Variants in RPL27 observed in about 807,000 individuals in gnomAD.
RPL27 encodes the protein large ribosomal subunit protein eL27.
For synonymous variants in RPL27, 77 were observed against 61.0 expected (o/e 1.26, Z -1.22); for missense variants, 131 against 174.3 (o/e 0.75, Z 1.40).
intron 1 of RPL27, 80 bp downstream of exon 1, chr17:42,998,551 GC>G (rs1445285231): frequency 2.1e-6 from 1 of 472,248 alleles, no homozygotes; most frequent in Non-Finnish European, 3.8e-6. Context: ...GGCGCCGGGT[GC>G]ATTCCTTCCC....
rs758401061 is a variant in RPL27, at chr17:42,998,852, T to G, written c.81+21T>G. ...TGAAGGTATCAGCCTCGCGGGACTC[T>G]GCGTCCTTGCATGCCGGGACCAGGC... On this transcript the variant is annotated intron_variant, in intron 2 of 4. Coordinates refer to ENST00000253788, the MANE Select transcript of RPL27 (RefSeq NM_000988.5). 15 of 1,605,260 alleles carry G rather than the reference T, an allele frequency of 9.3e-6. No homozygotes were observed. The Admixed American group carries it at 2.0e-4, about 21-fold the overall frequency.
At chr17:43,001,916 C>T (rs555276477) in intron 3 of RPL27, among the ~76,000 whole-genome samples, 1 of 151,014 alleles carries the variant, frequency 6.6e-6, no homozygotes, top group South Asian at 2.1e-4. Context: ...ACAGTGAAAC[C>T]CCGTCTCTAC....
rs560698130 is a variant in RPL27 at position 42,998,459 on chromosome 17, G to T, written c.-15G>T. 1.3e-5 allele frequency: 4 copies of T among 297,124 alleles called. No homozygotes were observed. Among genetic ancestry groups the T allele is most frequent in the South Asian group, 1.1e-4 (3 of 28,490 alleles). The allele number at this position is 297,124 out of a possible 1,614,324, so 18.4% of individuals were successfully genotyped here. On this transcript the variant is annotated 5_prime_UTR_variant, in exon 1 of 5. Transcript: ENST00000253788. Reference sequence around the variant, plus strand: ...CTTTCCTTTTTGCTGGTAGGGCCGGGTGGTTGCTGCCGGTAAGTAGAAGCT... The same window carrying T: ...CTTTCCTTTTTGCTGGTAGGGCCGGTTGGTTGCTGCCGGTAAGTAGAAGCT...
At chr17:43,000,195 A>G in intron 3 of RPL27, 93 bp downstream of exon 3, 2 of 961,608 alleles carry the variant, frequency 2.1e-6, no homozygotes, top group South Asian at 3.0e-5. Flanking sequence ...CCAGGAAGGG[A>G]TATCATTTCC....
Position 43,002,855 on chromosome 17 carries a change from C to T in RPL27, c.363-17C>T. The T allele has an allele frequency of 6.2e-7, 1 of 1,613,180 alleles. No individual in the cohort carries two copies. The highest frequency in any genetic ancestry group is 1.1e-5 in the South Asian group (1 of 91,052). On this transcript the variant is annotated splice_polypyrimidine_tract_variant and intron_variant, in intron 4 of 4. Coordinates refer to ENST00000253788, the MANE Select transcript of RPL27 (RefSeq NM_000988.5). The stretch of plus-strand genomic sequence containing the variant: ...CCATTCCTTTCCTCATTGGTGTCCT[C>T]TTTTTTTCCCTTCTAGATACAAGAC...
Position 43,002,675 on chromosome 17 carries a change from A to G in RPL27, c.254A>G (p.Tyr85Cys), listed in dbSNP as rs1423049747. The G allele has an allele frequency of 1.3e-6, 2 of 1,595,708 alleles. No individual in the cohort carries two copies. Among genetic ancestry groups the G allele is most frequent in the Non-Finnish European group, 1.7e-6 (2 of 1,163,520 alleles). The stretch of plus-strand genomic sequence containing the variant: ...TGCCTCTCCACCTTTGTCCCCAGGT[A>G]CTCTGTGGATATCCCCTTGGACAAA... ...YNYNHLMPTR[Y>C]SVDIPLDKTV... Residue 85 changes from tyrosine (Y) to cysteine (C), a missense_variant and splice_region_variant, in exon 4 of 5, where the codon TAC (tyrosine) becomes TGC (cysteine). Tyr to Cys is a radical substitution (Grantham distance 194, BLOSUM62 -2). Coordinates refer to ENST00000253788, the MANE Select transcript of RPL27 (RefSeq NM_000988.5).
chr17:42,998,372 A>C (rs1169616933), upstream of RPL27: 1 of 181,354 alleles, frequency 5.5e-6, no homozygotes, highest in Admixed American at 6.2e-5. Flanking sequence ...GCAAAGCCTG[A>C]AGGGCGGGAC....
intron 2 of RPL27, 34 bp downstream of exon 2, chr17:42,998,865 G>T: frequency 6.3e-7 from 1 of 1,579,620 alleles, no homozygotes; most frequent in East Asian, 2.2e-5. Context: ...GTCCTTGCAT[G>T]CCGGGACCAG....
At chr17:43,001,391 C>T (rs958640128) in intron 3 of RPL27, among the ~76,000 whole-genome samples, 7 of 151,920 alleles carry the variant, frequency 4.6e-5, no homozygotes, top group East Asian at 3.9e-4. Flanking sequence ...TTTGGGAGGC[C>T]GAGGCAGGTG....
intron 3 of RPL27, among the ~76,000 whole-genome samples, 171 bp from the exon 4 acceptor site, chr17:43,002,502 G>A (rs1405508674): frequency 6.6e-6 from 1 of 151,482 alleles, no homozygotes; most frequent in Non-Finnish European, 1.5e-5. Flanking sequence ...TTCAGACTCC[G>A]TCTCAAAAAA....
chr17:42,999,167 TC>T, intron 2 of RPL27: 1 of 205,610 alleles, frequency 4.9e-6, no homozygotes, highest in Non-Finnish European at 9.9e-6. Flanking sequence ...TCTTTTCTTT[TC>T]TTTTTTTTTT....
chr17:42,998,640 A>G (rs2050325360), intron 1 of RPL27, 109 bp from the exon 2 acceptor site: 4 of 827,710 alleles, frequency 4.8e-6, no homozygotes, highest in Non-Finnish European at 8.1e-6. Flanking sequence ...GCGACAGTGA[A>G]CACAGTCTGA....
intron 3 of RPL27, among the ~76,000 whole-genome samples, chr17:43,002,254 C>T (rs1197324188): frequency 6.6e-6 from 1 of 151,766 alleles, no homozygotes; most frequent in African/African-American, 2.4e-5. Flanking sequence ...GCCTATAATC[C>T]CAGCATTTTG....
At chr17:42,999,080 C>T in intron 2 of RPL27, 1 of 468,830 alleles carries the variant, frequency 2.1e-6, no homozygotes, top group East Asian at 4.3e-5. Flanking sequence ...GCTGACATTG[C>T]ACGCTTGCTA....
At chr17:43,000,125 T>G (rs753927089) in intron 3 of RPL27, 23 bp downstream of exon 3, 12 of 1,574,732 alleles carry the variant, frequency 7.6e-6, no homozygotes, top group African/African-American at 6.8e-5. Flanking sequence ...AGAACTAGAA[T>G]TTAAATTTCT....
intron 3 of RPL27, 25 bp from the exon 4 acceptor site, chr17:43,002,648 C>T: frequency 2.1e-6 from 3 of 1,453,948 alleles, no homozygotes; most frequent in South Asian, 2.3e-5. Flanking sequence ...GTGGGCTAAT[C>T]CTGCCTCTCC....
In RPL27 at chr17:42,999,924, C is replaced by A. The variant is rs749517412; in HGVS notation, c.82-9C>A. 5.0e-6 allele frequency: 8 copies of A among 1,606,686 alleles called. No homozygotes were observed. Among genetic ancestry groups the A allele is most frequent in the Non-Finnish European group, 6.0e-6 (7 of 1,175,538 alleles). ...CAGTGAATAACAAATGTAATTCTTA[C>A]TCATTTAGAACATTGATGATGGCAC... On this transcript the variant is annotated splice_polypyrimidine_tract_variant and intron_variant, in intron 2 of 4. Transcript: ENST00000253788.
chr17:43,002,548 C>T, intron 3 of RPL27, 125 bp from the exon 4 acceptor site: 1 of 669,080 alleles, frequency 1.5e-6, no homozygotes, highest in South Asian at 1.7e-5. Flanking sequence ...GTCATCGGGA[C>T]ATGGCTTTTG....
chr17:42,999,950 C>T lies in RPL27; in HGVS notation c.99C>T (p.Thr33=), dbSNP rs2050341473. 1.2e-6 allele frequency: 2 copies of T among 1,611,762 alleles called. No homozygotes were observed. The highest frequency in any genetic ancestry group is 2.2e-5 in the South Asian group (2 of 90,976). ...TCATTTAGAACATTGATGATGGCAC[C>T]TCAGATCGCCCCTACAGCCATGCTC... The part of the protein sequence containing the change: ...AVIVKNIDDG[T]SDRPYSHALV... The change falls in exon 3 of 5, where the codon ACC becomes ACT. Residue 33 remains threonine, a synonymous_variant. Transcript: ENST00000253788.
Sources: gnomAD v4.1 joint callset for allele counts (sites outside exome capture counted in the v4.1 genomes callset) on GRCh38, gnomAD v4.1.1 for gene constraint, MANE v1.5 for transcripts, NCBI Gene and HGNC (gene_info 2026-07-23, HGNC 2026-07-21) for gene names.